CARM1: variants seen among roughly 807,000 people sequenced by gnomAD.
CARM1 encodes coactivator associated arginine methyltransferase 1.
CARM1 carries 14 observed loss-of-function variants against 72.7 expected under a neutral mutation model. The observed-to-expected ratio is 0.19, with a 90% confidence interval of 0.13 to 0.30. The LOEUF is 0.30. Ranked by LOEUF, CARM1 falls within the 10% of genes least tolerant of loss-of-function variation. The pLI is 1.00. For synonymous variants in CARM1, 333 were observed against 345.5 expected (o/e 0.96, Z 0.40); for missense variants, 432 against 833.7 (o/e 0.52, Z 5.93).
chr19:10,882,276 G>A lies in CARM1; in HGVS notation c.220+10354G>A, dbSNP rs185376833. On this transcript the variant is annotated intron_variant, in intron 1 of 15. Coordinates refer to ENST00000327064, the MANE Select transcript of CARM1 (RefSeq NM_199141.2). ...TGGCATGGCCAAGGGCATGCAGTGGGGGGGATGGGGAGGCAAGGGACGCCT... is the reference window on the plus strand; with the variant it reads ...TGGCATGGCCAAGGGCATGCAGTGGAGGGGATGGGGAGGCAAGGGACGCCT... Among the ~76,000 whole-genome samples, 434 of 152,316 alleles carry A rather than the reference G, an allele frequency of 2.8e-3. 1 individual carries two copies. The highest frequency in any genetic ancestry group is 9.6e-3 in the African/African-American group (397 of 41,568).
chr19:10,919,634 A>G lies in CARM1; in HGVS notation c.1060A>G (p.Lys354Glu). ...CCGGATCCTGATGGCCAAGTCTGTCAAGTACACGGTGAACTTCTTAGAAGC... is the reference window on the plus strand; with the variant it reads ...CCGGATCCTGATGGCCAAGTCTGTCGAGTACACGGTGAACTTCTTAGAAGC... ...DIRILMAKSVKYTVNFLEAKE... is the reference protein window; with the variant it reads ...DIRILMAKSVEYTVNFLEAKE... The change falls in exon 9 of 16, where the codon AAG becomes GAG. Residue 354 changes from lysine (K) to glutamate (E), a missense_variant. Lys to Glu is a moderately conservative substitution (Grantham distance 56). Coordinates refer to ENST00000327064, the MANE Select transcript of CARM1 (RefSeq NM_199141.2). 2 of 1,614,130 alleles carry G rather than the reference A, an allele frequency of 1.2e-6. No individual in the cohort carries two copies. The highest frequency in any genetic ancestry group is 1.7e-6 in the Non-Finnish European group (2 of 1,179,962).
chr19:10,907,964 C>T, intron 2 of CARM1, 75 bp from the exon 3 acceptor site: 1 of 885,148 alleles, frequency 1.1e-6, no homozygotes, highest in Non-Finnish European at 1.9e-6. Context: ...ATACGGCCAT[C>T]CAGAACCTTC....
intron 1 of CARM1, among the ~76,000 whole-genome samples, chr19:10,881,620 G>A (rs564368094): frequency 6.6e-6 from 1 of 152,112 alleles, no homozygotes; most frequent in South Asian, 2.1e-4. Context: ...GGGCTGGGGT[G>A]GGGGAGGGGC....
In CARM1 at chr19:10,871,918, C is replaced by T. The variant is rs1382712575; in HGVS notation, c.216C>T (p.Tyr72=). The part of the protein sequence containing the change: ...AGPDSAGIAL[Y]SHEDVCVFKC... Reference sequence around the variant, plus strand: ...CGGACTCGGCGGGCATCGCCCTCTACAGCCGTGAGTACGGGGCCCCGGGGC... The same window carrying T: ...CGGACTCGGCGGGCATCGCCCTCTATAGCCGTGAGTACGGGGCCCCGGGGC... The change falls in exon 1 of 16, where the codon TAC becomes TAT. Residue 72 remains tyrosine (Y), a synonymous_variant. Coordinates refer to ENST00000327064, the MANE Select transcript of CARM1 (RefSeq NM_199141.2). This position sits in a 1 kb window ranked among gnomAD's most constrained non-coding sequence, Gnocchi z 5.6. 6.7e-6 allele frequency: 8 copies of T among 1,201,270 alleles called. No individual in the cohort carries two copies. The East Asian group carries it at 2.5e-4, about 38-fold the overall frequency. The allele number at this position is 1,201,270 out of a possible 1,614,324, so 74.4% of individuals were successfully genotyped here.
chr19:10,886,974 C>T (rs532932618), intron 1 of CARM1, among the ~76,000 whole-genome samples: 1 of 152,122 alleles, frequency 6.6e-6, no homozygotes, highest in Admixed American at 6.5e-5. Flanking sequence ...CTCGGTGTCC[C>T]GAGGAGCTGG....
rs547374851 is a variant in CARM1 at position 10,900,380 on chromosome 19, C to A, written c.221-4571C>A. ...ATTAAGCAGTTGCTCCCCATTCCTG[C>A]CTTCTCCCAGCTCTCAGCCACCAGC... On this transcript the variant is annotated intron_variant, in intron 1 of 15. Coordinates refer to ENST00000327064, the MANE Select transcript of CARM1 (RefSeq NM_199141.2). 9.2e-5 allele frequency among the ~76,000 whole-genome samples: 14 copies of A among 152,332 alleles called. No individual in the cohort carries two copies. In the Middle Eastern group the frequency reaches 0.01, roughly 111 times the overall value.
intron 6 of CARM1, among the ~76,000 whole-genome samples, chr19:10,914,544 C>T (rs1351928169): frequency 6.6e-6 from 1 of 152,186 alleles, no homozygotes; most frequent in African/African-American, 2.4e-5. Flanking sequence ...GGTATGGCCT[C>T]TGGTCACTGG....
At chr19:10,899,893 G>C (rs577851399) in intron 1 of CARM1, among the ~76,000 whole-genome samples, 1 of 152,006 alleles carries the variant, frequency 6.6e-6, no homozygotes, top group African/African-American at 2.4e-5. Flanking sequence ...GCTAATTTTT[G>C]TATTTTTAGT....
Position 10,880,513 on chromosome 19 carries a change from ATT to A in CARM1, c.220+8611_220+8612del, listed in dbSNP as rs34015668. On this transcript the variant is annotated intron_variant, in intron 1 of 15. Coordinates refer to ENST00000327064, the MANE Select transcript of CARM1 (RefSeq NM_199141.2). ...AGGCGCACATCACCATGCCTGGCTA[ATT>A]TTTTTTTTTTTTTTTTTTTGTAGAG... 5.2e-4 allele frequency among the ~76,000 whole-genome samples: 71 copies of A among 136,220 alleles called. No individual in the cohort carries two copies. In the East Asian group the frequency reaches 0.011, roughly 22 times the overall value. The allele number at this position is 136,220 out of a possible 152,430, so 89.4% of individuals were successfully genotyped here. A position where few individuals can be genotyped will look rare whatever the true frequency, so the allele number is the denominator to read the frequency against.
rs188788854 is a variant in CARM1 at position 10,889,729 on chromosome 19, G to A, written c.221-15222G>A. ...AGTTGCCAATGCATTTCCAAGCCCG[G>A]ATCCAACCGTGGACCCTGGCCTTTT... On this transcript the variant is annotated intron_variant, in intron 1 of 15. Coordinates refer to ENST00000327064, the MANE Select transcript of CARM1 (RefSeq NM_199141.2). Among the ~76,000 whole-genome samples, 666 of 152,222 alleles carry A rather than the reference G, an allele frequency of 4.4e-3. 1 individual carries two copies. Among genetic ancestry groups the A allele is most frequent in the Non-Finnish European group, 7.3e-3 (496 of 68,032 alleles).
chr19:10,895,556 G>A lies in CARM1; in HGVS notation c.221-9395G>A, dbSNP rs536748828. On this transcript the variant is annotated intron_variant, in intron 1 of 15. Transcript: ENST00000327064. ...AAATAGTGCTGCTGTGTGGCCACCT[G>A]ATGCTAAACATCTCTGCGTGGTGAA... Among the ~76,000 whole-genome samples, 16 of 152,380 alleles carry A rather than the reference G, an allele frequency of 1.1e-4. 1 individual carries two copies. The East Asian group carries it at 3.1e-3, about 29-fold the overall frequency.
intron 1 of CARM1, among the ~76,000 whole-genome samples, chr19:10,890,269 GTT>G (rs200303370): frequency 2.9e-5 from 4 of 136,118 alleles, no homozygotes; most frequent in African/African-American, 2.7e-5. Context: ...TGTTTTGTTT[GTT>G]TTTTTTTTTT....
chr19:10,901,894 A>C (rs992516888), intron 1 of CARM1, among the ~76,000 whole-genome samples: 2 of 151,998 alleles, frequency 1.3e-5, no homozygotes, highest in Non-Finnish European at 2.9e-5. Flanking sequence ...GGTTGCAGTG[A>C]GCCAAGATAG....
chr19:10,875,730 GTTCTT>G (rs2073859445), intron 1 of CARM1, among the ~76,000 whole-genome samples: 1 of 150,956 alleles, frequency 6.6e-6, no homozygotes, highest in South Asian at 2.1e-4. Flanking sequence ...GGCCCCAGCT[GTTCTT>G]TTCTTATAAG....
chr19:10,914,625 G>A (rs531507292), intron 6 of CARM1, among the ~76,000 whole-genome samples: 153 of 152,156 alleles, frequency 1.0e-3, no homozygotes, highest in African/African-American at 3.6e-3. Context: ...GTGCGATCTC[G>A]GCTCACTGCA....
rs1345413587 is a variant in CARM1 at position 10,914,063 on chromosome 19, TG to T, written c.847+15del. On this transcript the variant is annotated intron_variant, in intron 6 of 15. Coordinates refer to ENST00000327064, the MANE Select transcript of CARM1 (RefSeq NM_199141.2). ...GTACCTGAAGCCCAGCGGTGAGCAC[TG>T]GGGGGTACACAGGCCAGGCCCCTCG... 5 of 1,608,384 alleles carry T rather than the reference TG, an allele frequency of 3.1e-6. No homozygotes were observed. The highest frequency in any genetic ancestry group is 2.2e-5 in the East Asian group (1 of 44,584).
In CARM1 at chr19:10,902,670, G is replaced by T. The variant is rs2074075318; in HGVS notation, c.221-2281G>T. Among the ~76,000 whole-genome samples, 3 of 149,372 alleles carry T rather than the reference G, an allele frequency of 2.0e-5. No homozygotes were observed. In the Admixed American group the frequency reaches 2.0e-4, roughly 10 times the overall value. On this transcript the variant is annotated intron_variant, in intron 1 of 15. Coordinates refer to ENST00000327064, the MANE Select transcript of CARM1 (RefSeq NM_199141.2). ...GTCACCCAGGCTAGAGTGCAGCGTT[G>T]CCATCTCTGCTCACTGCAGTGTCAA...
intron 1 of CARM1, among the ~76,000 whole-genome samples, chr19:10,891,062 C>T (rs746249770): frequency 2.0e-5 from 3 of 150,856 alleles, no homozygotes; most frequent in Non-Finnish European, 4.4e-5. Context: ...ACCTGGGGGA[C>T]AGGGCCAGAC....
rs2073813273 is a variant in CARM1 at position 10,871,589 on chromosome 19, A to AGCGGCGGCAGCG, written c.-106_-105insAGCGGCGGCGGC. ...CGGCGGCTGCGGCGGCGGTAGCGGC[A>AGCGGCGGCAGCG]GCGGCGGCGGCGGCGGCGGCGGCGG... On this transcript the variant is annotated 5_prime_UTR_variant, in exon 1 of 16. Transcript: ENST00000327064. This position sits in a 1 kb window ranked among gnomAD's most constrained non-coding sequence, Gnocchi z 5.6. 8.5e-6 allele frequency: 1 copy of AGCGGCGGCAGCG among 117,086 alleles called. No homozygotes were observed. The highest frequency in any genetic ancestry group is 2.5e-4 in the East Asian group (1 of 3,986). The allele number at this position is 117,086 out of a possible 1,614,324, so 7.3% of individuals were successfully genotyped here.
Sources: gnomAD v4.1 joint callset for allele counts (sites outside exome capture counted in the v4.1 genomes callset) on GRCh38, gnomAD v4.1.1 for gene constraint, Gnocchi (gnomAD v3.1) non-coding constraint, MANE v1.5 for transcripts, NCBI Gene and HGNC (gene_info 2026-07-23, HGNC 2026-07-21) for gene names.